The following PLEKHA5 variants were observed in gnomAD, a reference collection of about 807,000 sequenced individuals.
PLEKHA5 encodes the protein pleckstrin homology domain containing A5, also known as pleckstrin homology domain-containing family A member 5.
In PLEKHA5, 55 loss-of-function variants were observed where a neutral mutation model predicts 181.9. That is an observed-to-expected ratio of 0.30 (90% CI 0.24 to 0.38). The LOEUF (loss-of-function observed/expected upper bound fraction) is 0.38. PLEKHA5 is among the 10% of genes least tolerant of loss of function. The probability of loss-of-function intolerance (pLI) is 1.00; values close to 1 mark genes in which losing one functional copy is unlikely to be tolerated. For synonymous variants in PLEKHA5, 535 were observed against 529.4 expected (o/e 1.01, Z -0.15); for missense variants, 1,432 against 1,549.5 (o/e 0.92, Z 1.27).
At chr12:19,134,274 C>T (rs1171792709) in intron 3 of PLEKHA5, among the ~76,000 whole-genome samples, 1 of 151,908 alleles carries the variant, frequency 6.6e-6, no homozygotes, top group African/African-American at 2.4e-5. Flanking sequence ...TGTCTAATGC[C>T]TAAGTAGGTT....
chr12:19,348,473 A>T lies in PLEKHA5; in HGVS notation c.2973A>T (p.Glu991Asp). ...TVAEVDESNGEEKSEPVSEIE... is the reference protein window; with the variant it reads ...TVAEVDESNGDEKSEPVSEIE... Reference sequence around the variant, plus strand: ...CAGAAGTTGATGAATCTAATGGAGAAGAAAAATCAGAACCTGTTTCAGAGA... The same window carrying T: ...CAGAAGTTGATGAATCTAATGGAGATGAAAAATCAGAACCTGTTTCAGAGA... The change falls in exon 25 of 32, where the codon GAA becomes GAT. Residue 991 changes from glutamate (E) to aspartate (D), a missense_variant. Glu to Asp is a conservative substitution (Grantham distance 45, BLOSUM62 2). Around this residue, in one of 2 missense-constraint regions of PLEKHA5, gnomAD observed 1,143 missense variants for 1,168.4 expected, o/e 0.98. Coordinates refer to ENST00000429027, the MANE Select transcript of PLEKHA5 (RefSeq NM_001256470.2). 6.3e-7 allele frequency: 1 copy of T among 1,584,956 alleles called. No individual in the cohort carries two copies. The highest frequency in any genetic ancestry group is 8.6e-7 in the Non-Finnish European group (1 of 1,168,886).
At chr12:19,338,912 C>T (rs939250273) in intron 21 of PLEKHA5, among the ~76,000 whole-genome samples, 3 of 151,458 alleles carry the variant, frequency 2.0e-5, no homozygotes, top group Non-Finnish European at 4.4e-5. Context: ...AAATCAGCTA[C>T]AAAAATGAGA....
At chr12:19,287,629 T>C in intron 13 of PLEKHA5, 73 bp downstream of exon 13, 1 of 853,446 alleles carries the variant, frequency 1.2e-6, no homozygotes, top group South Asian at 1.5e-5. Flanking sequence ...TCTAACATAA[T>C]TTTTAAGTTT....
At chr12:19,258,561 C>CTTTTTTTTTTTTTTTTTTTTTTTTTTTT (rs71440398) in intron 6 of PLEKHA5, among the ~76,000 whole-genome samples, 3 of 123,796 alleles carry the variant, frequency 2.4e-5, no homozygotes, top group Non-Finnish European at 3.2e-5. Context: ...TTTTCTTTTT[C>CTTTTTTTTTTTTTTTTTTTTTTTTTTTT]TTTTTTTTTT....
chr12:19,309,335 G>A (rs704165), intron 15 of PLEKHA5, among the ~76,000 whole-genome samples: 140,188 of 151,980 alleles, frequency 0.92, 65,341 homozygotes, highest in Non-Finnish European at 1. Context: ...AGTGAAAGCT[G>A]TCTACCTATC....
chr12:19,283,102 ACG>A (rs2076521836), intron 11 of PLEKHA5, among the ~76,000 whole-genome samples, 176 bp from the exon 12 acceptor site: 1 of 129,656 alleles, frequency 7.7e-6, no homozygotes, highest in South Asian at 2.6e-4. Context: ...AGCCGAGATC[ACG>A]CCATTGCACT....
chr12:19,273,248 T>G (rs1231247712), intron 10 of PLEKHA5, among the ~76,000 whole-genome samples: 1 of 152,158 alleles, frequency 6.6e-6, no homozygotes, highest in Non-Finnish European at 1.5e-5. Flanking sequence ...ATAGTCTATC[T>G]TAGTAAATTT....
chr12:19,301,442 G>T (rs1304566147), intron 15 of PLEKHA5, among the ~76,000 whole-genome samples: 1 of 151,866 alleles, frequency 6.6e-6, no homozygotes, highest in Non-Finnish European at 1.5e-5. Flanking sequence ...GAAATTAAAG[G>T]AACAGGGATT....
At chr12:19,286,146 C>T (rs7965006) in intron 12 of PLEKHA5, among the ~76,000 whole-genome samples, 81,429 of 152,012 alleles carry the variant, frequency 0.54, 25,691 homozygotes, top group Non-Finnish European at 0.72. Flanking sequence ...TAAAGATTGG[C>T]GGTGATATTA....
intron 3 of PLEKHA5, among the ~76,000 whole-genome samples, chr12:19,241,270 G>A (rs1049119325): frequency 3.9e-5 from 6 of 152,072 alleles, no homozygotes; most frequent in African/African-American, 1.2e-4. Context: ...AAGGGGTAGG[G>A]GTTTTGTTGT....
intron 20 of PLEKHA5, among the ~76,000 whole-genome samples, chr12:19,323,545 C>T (rs1415405107): frequency 4.0e-5 from 6 of 151,058 alleles, no homozygotes; most frequent in South Asian, 2.1e-4. Context: ...AGGCTGGGTG[C>T]GGTGGCTGAC....
At chr12:19,200,212 T>A (rs1290318903) in intron 3 of PLEKHA5, 1 of 705,984 alleles carries the variant, frequency 1.4e-6, no homozygotes, top group African/African-American at 1.8e-5. Flanking sequence ...CATTACACTT[T>A]CCATGCAGCA....
chr12:19,139,245 C>A (rs576688979), intron 3 of PLEKHA5, among the ~76,000 whole-genome samples: 12 of 152,222 alleles, frequency 7.9e-5, no homozygotes, highest in African/African-American at 2.6e-4. Context: ...GATGATGAGA[C>A]CCTTGACCGG....
chr12:19,290,362 A>G lies in PLEKHA5; in HGVS notation c.1864-315A>G, dbSNP rs71539460. ...TATCTTTTAATAATTTTTTAGTAGC[A>G]CTTATGTACAAACCTTTATAATGTT... On this transcript the variant is annotated intron_variant, in intron 13 of 31. Transcript: ENST00000429027. Among the ~76,000 whole-genome samples the G allele has an allele frequency of 3.7e-3, 570 of 152,282 alleles. 6 individuals are homozygous for G. Among genetic ancestry groups the G allele is most frequent in the African/African-American group, 0.013 (549 of 41,560 alleles).
chr12:19,314,137 A>ATT (rs2087633193), intron 15 of PLEKHA5, among the ~76,000 whole-genome samples: 2 of 152,134 alleles, frequency 1.3e-5, no homozygotes, highest in Non-Finnish European at 2.9e-5. Context: ...AGAGGCAGTA[A>ATT]TTAAGTACAA....
At chr12:19,151,432 T>G (rs1276014383) in intron 3 of PLEKHA5, 1 of 147,706 alleles carries the variant, frequency 6.8e-6, no homozygotes, top group Non-Finnish European at 1.5e-5. Flanking sequence ...GAATTTAGTT[T>G]CAGTAGACTC....
At chr12:19,178,839 A>G (rs2047902071) in intron 3 of PLEKHA5, among the ~76,000 whole-genome samples, 1 of 152,232 alleles carries the variant, frequency 6.6e-6, no homozygotes. Context: ...AAAAACAAAC[A>G]ACTCTCAAAA....
At chr12:19,200,590 T>C (rs1235765050) in intron 3 of PLEKHA5, 8 of 1,198,582 alleles carry the variant, frequency 6.7e-6, no homozygotes, top group South Asian at 6.8e-5. Flanking sequence ...GAGAAGAAAG[T>C]AGAAACTATC....
chr12:19,195,790 A>G (rs545029530), intron 3 of PLEKHA5, among the ~76,000 whole-genome samples: 21 of 152,170 alleles, frequency 1.4e-4, no homozygotes, highest in African/African-American at 5.1e-4. Flanking sequence ...ATACACATAC[A>G]TACAAAAATA....
Sources: gnomAD v4.1 joint callset for allele counts (sites outside exome capture counted in the v4.1 genomes callset) on GRCh38, gnomAD v4.1.1 for gene constraint, gnomAD v4.1.1 regional missense constraint, MANE v1.5 for transcripts, NCBI Gene and HGNC (gene_info 2026-07-23, HGNC 2026-07-21) for gene names.